The following IQCM variants were observed in gnomAD, a reference collection of about 807,000 sequenced individuals.
The protein encoded by IQCM is IQ motif containing M.
Under a neutral mutation model 57.6 loss-of-function variants are expected in IQCM, and 45 were observed. The observed-to-expected ratio is 0.78, with a 90% CI of 0.62 to 1.00. The LOEUF (loss-of-function observed/expected upper bound fraction) is 1.00, where lower values mean the gene tolerates loss of function less well. Among genes scored for constraint, IQCM ranks in the 50% least tolerant of loss-of-function variants. The pLI is 0.00. For synonymous variants in IQCM, 148 were observed against 158.9 expected (o/e 0.93, Z 0.51); for missense variants, 468 against 511.6 (o/e 0.91, Z 0.82).
At chr4:149,359,709 A>C (rs1007413456) in intron 13 of IQCM, among the ~76,000 whole-genome samples, 2 of 152,164 alleles carry the variant, frequency 1.3e-5, no homozygotes, top group African/African-American at 2.4e-5. Context: ...ATTATCTACA[A>C]ATTTTTATAT....
intron 13 of IQCM, among the ~76,000 whole-genome samples, chr4:149,379,326 G>C (rs749255549): frequency 1.3e-5 from 2 of 152,144 alleles, no homozygotes; most frequent in Non-Finnish European, 2.9e-5. Context: ...TCCACCAACA[G>C]CTTGCACCCT....
At position 149,688,730 on chromosome 4, in the gene IQCM, G is replaced by A. The variant is rs569768991; in HGVS notation, c.386-2262C>T. Among the ~76,000 whole-genome samples, 184 of 151,842 alleles carry A rather than the reference G, an allele frequency of 1.2e-3. 1 individual carries two copies. In the Middle Eastern group the frequency reaches 0.014, roughly 11 times the overall value. On this transcript the variant is annotated intron_variant, in intron 5 of 13. Coordinates refer to ENST00000636793, the MANE Select transcript of IQCM (RefSeq NM_001363507.2). ...ACTATAAGGCCATAGTCACCAAAAC[G>A]GCATGGTACTGGTATAAAAATAGGC...
chr4:149,683,763 G>T (rs1762363154), intron 6 of IQCM, among the ~76,000 whole-genome samples: 1 of 151,308 alleles, frequency 6.6e-6, no homozygotes, highest in Non-Finnish European at 1.5e-5. Context: ...ACTAATGAAA[G>T]ATTCTAATGG....
chr4:149,358,611 C>G (rs937415642), intron 13 of IQCM, among the ~76,000 whole-genome samples: 9 of 152,012 alleles, frequency 5.9e-5, no homozygotes, highest in Admixed American at 5.2e-4. Context: ...ACTCAGAGAA[C>G]AGTCCTTTTG....
chr4:149,718,053 G>A (rs1012027325), intron 5 of IQCM, among the ~76,000 whole-genome samples: 8 of 152,170 alleles, frequency 5.3e-5, no homozygotes, highest in African/African-American at 1.9e-4. Context: ...AGACAGAGAG[G>A]TTCATGGCTT....
intron 12 of IQCM, among the ~76,000 whole-genome samples, chr4:149,447,744 C>T (rs1252035990): frequency 6.6e-6 from 1 of 151,376 alleles, no homozygotes; most frequent in Non-Finnish European, 1.5e-5. Flanking sequence ...ACCAATTTTC[C>T]AAATTAAATT....
At chr4:149,537,975 T>C (rs1747466436) in intron 12 of IQCM, among the ~76,000 whole-genome samples, 1 of 151,606 alleles carries the variant, frequency 6.6e-6, no homozygotes, top group African/African-American at 2.4e-5. Context: ...TGGTAACTCA[T>C]ATCCAGAGAA....
intron 2 of IQCM, among the ~76,000 whole-genome samples, chr4:149,771,296 C>T (rs1770553568): frequency 6.6e-6 from 1 of 152,002 alleles, no homozygotes; most frequent in Non-Finnish European, 1.5e-5. Flanking sequence ...ATCTAACTAT[C>T]TGCCCCTGTC....
intron 13 of IQCM, among the ~76,000 whole-genome samples, chr4:149,428,875 G>A (rs567938015): frequency 1.4e-4 from 21 of 151,716 alleles, no homozygotes; most frequent in Non-Finnish European, 3.1e-4. Flanking sequence ...ATTATATGAA[G>A]TGCTGGAAAT....
At chr4:149,414,857 G>A (rs958461391) in intron 13 of IQCM, among the ~76,000 whole-genome samples, 1 of 151,816 alleles carries the variant, frequency 6.6e-6, no homozygotes, top group Non-Finnish European at 1.5e-5. Context: ...GATTTTTATA[G>A]GACGATAAGT....
intron 13 of IQCM, among the ~76,000 whole-genome samples, chr4:149,390,240 T>C (rs1350004011): frequency 6.6e-6 from 1 of 152,046 alleles, no homozygotes; most frequent in Non-Finnish European, 1.5e-5. Context: ...ATCAGTTCCT[T>C]AATTTTGTTG....
At chr4:149,419,243 A>G (rs1233495608) in intron 13 of IQCM, among the ~76,000 whole-genome samples, 1 of 152,134 alleles carries the variant, frequency 6.6e-6, no homozygotes, top group Non-Finnish European at 1.5e-5. Flanking sequence ...TTGAAACTAT[A>G]CCACAAAACC....
intron 12 of IQCM, among the ~76,000 whole-genome samples, chr4:149,541,434 A>C (rs190665597): frequency 6.6e-6 from 1 of 152,132 alleles, no homozygotes; most frequent in Admixed American, 6.6e-5. Context: ...GCAGAAAATG[A>C]ACTAAAAGTT....
At chr4:149,507,544 T>C (rs983028665) in intron 12 of IQCM, among the ~76,000 whole-genome samples, 2 of 152,184 alleles carry the variant, frequency 1.3e-5, no homozygotes, top group Non-Finnish European at 2.9e-5. Flanking sequence ...ATTTTGCCCC[T>C]GCCCTAGAGA....
chr4:149,512,952 C>CCATAAAA (rs1382991656), intron 12 of IQCM, among the ~76,000 whole-genome samples: 1 of 152,110 alleles, frequency 6.6e-6, no homozygotes, highest in Non-Finnish European at 1.5e-5. Flanking sequence ...TAAAACACCT[C>CCATAAAA]CAGTTTTTCT....
intron 13 of IQCM, among the ~76,000 whole-genome samples, chr4:149,385,394 A>C (rs1731350833): frequency 6.6e-6 from 1 of 152,084 alleles, no homozygotes; most frequent in Non-Finnish European, 1.5e-5. Flanking sequence ...AGGAGTAGAC[A>C]ATTGTAATAG....
chr4:149,383,086 A>G (rs1454160944), intron 13 of IQCM, among the ~76,000 whole-genome samples: 5 of 152,104 alleles, frequency 3.3e-5, no homozygotes, highest in Non-Finnish European at 7.4e-5. Context: ...GATCAAAAGT[A>G]TATGAAGTCC....
At chr4:149,436,867 A>T (rs1735413984) in intron 12 of IQCM, among the ~76,000 whole-genome samples, 1 of 152,158 alleles carries the variant, frequency 6.6e-6, no homozygotes, top group African/African-American at 2.4e-5. Context: ...TAGCAAATGT[A>T]TATAACATAG....
chr4:149,660,184 C>T (rs1489771264), intron 7 of IQCM, among the ~76,000 whole-genome samples: 1 of 151,370 alleles, frequency 6.6e-6, no homozygotes, highest in African/African-American at 2.4e-5. Flanking sequence ...TATGAACAGA[C>T]ACTTCTCAAA....
Sources: allele counts gnomAD v4.1 joint callset (sites outside exome capture counted in the v4.1 genomes callset), GRCh38; gene constraint gnomAD v4.1.1; transcripts MANE v1.5; gene names NCBI Gene and HGNC (gene_info 2026-07-23, HGNC 2026-07-21).